Variants in KCNH2 observed in about 807,000 individuals in gnomAD.
KCNH2 encodes the protein potassium voltage-gated channel subfamily H member 2, also known as voltage-gated inwardly rectifying potassium channel KCNH2.
KCNH2 carries 35 observed loss-of-function variants against 95.9 expected under a neutral mutation model. The observed-to-expected ratio is 0.37, with a 90% CI of 0.28 to 0.48. The LOEUF (loss-of-function observed/expected upper bound fraction) is 0.48, where lower values mean the gene tolerates loss of function less well. Among genes scored for constraint, KCNH2 ranks in the 20% least tolerant of loss-of-function variants. KCNH2 has a pLI of 0.99. For synonymous variants in KCNH2, 786 were observed against 754.7 expected (o/e 1.04, Z -0.68); for missense variants, 1,274 against 1,702.9 (o/e 0.75, Z 4.43).
chr7:150,956,542 G>T (rs1801383048), intron 5 of KCNH2, among the ~76,000 whole-genome samples: 1 of 152,142 alleles, frequency 6.6e-6, no homozygotes. Flanking sequence ...GTGTCGGGTG[G>T]ATGAAGCCAT....
chr7:150,955,050 C>T (rs1273318452), intron 5 of KCNH2, among the ~76,000 whole-genome samples: 1 of 152,252 alleles, frequency 6.6e-6, no homozygotes. Flanking sequence ...CCGGCTTCTC[C>T]TGGTCCTGCC....
chr7:150,967,440 G>A (rs565741432), intron 2 of KCNH2, among the ~76,000 whole-genome samples: 1 of 152,328 alleles, frequency 6.6e-6, no homozygotes, highest in African/African-American at 2.4e-5. Flanking sequence ...ATCAATGCAA[G>A]AGCCAGTAAA....
chr7:150,951,330 C>T, intron 7 of KCNH2, 118 bp downstream of exon 7: 1 of 1,270,014 alleles, frequency 7.9e-7, no homozygotes, highest in African/African-American at 2.0e-5. Context: ...ACGATGGTGG[C>T]CCCTGGAGTC....
chr7:150,958,397 G>GC lies in KCNH2; in HGVS notation c.577dup (p.Ala193GlyfsTer139). 1 of 1,454,554 alleles carries GC rather than the reference G, an allele frequency of 6.9e-7. No individual in the cohort carries two copies. 90.1% of individuals were successfully genotyped at this position (1,454,554 alleles called of 1,614,324 possible). A position where few individuals can be genotyped will look rare whatever the true frequency, so the allele number is the denominator to read the frequency against. The stretch of plus-strand genomic sequence containing the variant: ...CGTCAGGTCCACGTCCACCACCACG[G>GC]CCCCCGGGGCGCCCGCGCCGCCCGC... On this transcript the variant is annotated frameshift_variant, in exon 4 of 15. Coordinates refer to ENST00000262186, the MANE Select transcript of KCNH2 (RefSeq NM_000238.4). LOFTEE classifies it high-confidence loss of function.
At chr7:150,948,005 G>T in intron 11 of KCNH2, 127 bp from the exon 12 acceptor site, 1 of 1,145,640 alleles carries the variant, frequency 8.7e-7, no homozygotes, top group Non-Finnish European at 1.2e-6. Flanking sequence ...GTCCCCAGTC[G>T]CTTCTTCTGC....
intron 2 of KCNH2, among the ~76,000 whole-genome samples, chr7:150,969,279 C>T (rs1046959441): frequency 6.6e-6 from 1 of 152,186 alleles, no homozygotes; most frequent in Non-Finnish European, 1.5e-5. Context: ...CTGCCTTTCA[C>T]AGGGCCATGA....
In KCNH2 at chr7:150,946,890, T is replaced by G. The variant is rs1232008316; in HGVS notation, c.3317A>C (p.Asp1106Ala). 2.5e-6 allele frequency: 4 copies of G among 1,595,852 alleles called. No homozygotes were observed. The highest frequency in any genetic ancestry group is 3.4e-6 in the Non-Finnish European group (4 of 1,168,232). ...PVSPLPTLTL[D>A]SLSQVSQFMA... ...GCTGGAGCTTACCTGAGAAAGCGAG[T>G]CCAAGGTGAGGGTGGGGAGGGGGCT... The change falls in exon 14 of 15, where the codon GAC becomes GCC. Residue 1106 changes from aspartate to alanine, a missense_variant. Physicochemically the swap from Asp to Ala is moderately radical, Grantham distance 126. This residue lies in a region of KCNH2 where 457 missense variants were observed against 416.1 expected (regional missense o/e 1.10). Coordinates refer to ENST00000262186, the MANE Select transcript of KCNH2 (RefSeq NM_000238.4). This position sits in a 1 kb window ranked among gnomAD's most constrained non-coding sequence, Gnocchi z 6.5.
At chr7:150,965,357 G>C (rs1801675318) in intron 2 of KCNH2, among the ~76,000 whole-genome samples, 1 of 152,174 alleles carries the variant, frequency 6.6e-6, no homozygotes, top group Non-Finnish European at 1.5e-5. Context: ...TGCCTCAGAA[G>C]ATCTCTGTCC....
chr7:150,957,599 C>T (rs1801420520), intron 4 of KCNH2, 97 bp from the exon 5 acceptor site: 2 of 885,220 alleles, frequency 2.3e-6, no homozygotes, highest in Admixed American at 2.0e-5. Context: ...CCTGCACAGT[C>T]AGGAGTCCAT....
Position 150,946,742 on chromosome 7 carries a change from G to GGT in KCNH2, c.3330+133_3330+134dup. 1.3e-6 allele frequency: 1 copy of GGT among 794,380 alleles called. No individual in the cohort carries two copies. Among genetic ancestry groups the GGT allele is most frequent in the Non-Finnish European group, 2.0e-6 (1 of 497,192 alleles). 49.2% of individuals were successfully genotyped at this position (794,380 alleles called of 1,614,324 possible). A position where few individuals can be genotyped will look rare whatever the true frequency, so the allele number is the denominator to read the frequency against. On this transcript the variant is annotated intron_variant, in intron 14 of 14. Coordinates refer to ENST00000262186, the MANE Select transcript of KCNH2 (RefSeq NM_000238.4). This position sits in a 1 kb window ranked among gnomAD's most constrained non-coding sequence, Gnocchi z 6.5. ...AGCAGCCTTCCTCCAGGAGGACAGG[G>GGT]GTGGGAGGAGGGCAGGAACAAGGTT...
At position 150,947,893 on chromosome 7, in the gene KCNH2, G is replaced by A. The variant is rs1159599997; in HGVS notation, c.2693-15C>T. 1 of 1,530,054 alleles carries A rather than the reference G, an allele frequency of 6.5e-7. No individual in the cohort carries two copies. The highest frequency in any genetic ancestry group is 2.0e-5 in the Admixed American group (1 of 50,476). The allele number at this position is 1,530,054 out of a possible 1,614,324, so 94.8% of individuals were successfully genotyped here. A position where few individuals can be genotyped will look rare whatever the true frequency, so the allele number is the denominator to read the frequency against. ...CTGCTCCGTGTCTGTGGGAAACAGA[G>A]AATGGGCCTCAGAGAGGGGAGGAGA... On this transcript the variant is annotated splice_polypyrimidine_tract_variant and intron_variant, in intron 11 of 14. Transcript: ENST00000262186.
rs147126965 is a variant in KCNH2, at chr7:150,952,482, G to A, written c.1500C>T (p.Ile500=). ...CGAAGGGGATGGCGGCCACCATGTC[G>A]ATGAGGAACCAGCCCTTGAAGTAGT... ...AVHYFKGWFL[I]DMVAAIPFDL... Residue 500 remains isoleucine (I), a synonymous_variant, in exon 6 of 15, where the codon ATC becomes ATT. Coordinates refer to ENST00000262186, the MANE Select transcript of KCNH2 (RefSeq NM_000238.4). The surrounding 1 kb of genome is among the most constrained non-coding windows in gnomAD (Gnocchi z 7.3). The A allele has an allele frequency of 5.3e-5, 86 of 1,614,124 alleles. No homozygotes were observed. Among genetic ancestry groups the A allele is most frequent in the Admixed American group, 8.3e-5 (5 of 59,978 alleles).
At chr7:150,976,896 C>T (rs1415057579) in intron 1 of KCNH2, among the ~76,000 whole-genome samples, 1 of 151,966 alleles carries the variant, frequency 6.6e-6, no homozygotes, top group Non-Finnish European at 1.5e-5. Context: ...ACTGACCCCT[C>T]CTTCCCCCAA....
At position 150,950,918 on chromosome 7, in the gene KCNH2, C is replaced by T. The variant is rs1378166842; in HGVS notation, c.2145+3G>A. ...CCCACTGGCCACGCTCTGGTGGCCT[C>T]ACCGCGTTCATGTCGATGCCGTTGG... On this transcript the variant is annotated splice_donor_region_variant and intron_variant, in intron 8 of 14. Coordinates refer to ENST00000262186, the MANE Select transcript of KCNH2 (RefSeq NM_000238.4). 6.2e-7 allele frequency: 1 copy of T among 1,614,032 alleles called. No homozygotes were observed. Among genetic ancestry groups the T allele is most frequent in the Non-Finnish European group, 8.5e-7 (1 of 1,180,000 alleles).
chr7:150,953,237 T>G (rs1233159609), intron 5 of KCNH2, among the ~76,000 whole-genome samples: 1 of 152,092 alleles, frequency 6.6e-6, no homozygotes, highest in Non-Finnish European at 1.5e-5. Flanking sequence ...CGGAAAGGGT[T>G]CCAAGGACAA....
chr7:150,967,565 G>A (rs1002770485), intron 2 of KCNH2, among the ~76,000 whole-genome samples: 3 of 152,212 alleles, frequency 2.0e-5, no homozygotes, highest in Non-Finnish European at 4.4e-5. Flanking sequence ...TTTACAAGAT[G>A]CGTTGGGAAA....
chr7:150,958,554 C>T (rs912285964), intron 3 of KCNH2, 52 bp from the exon 4 acceptor site: 18 of 1,433,882 alleles, frequency 1.3e-5, no homozygotes, highest in South Asian at 1.2e-4. Flanking sequence ...AGCCCCGGAG[C>T]GGGCAAGGCC....
chr7:150,951,894 G>GCC, intron 6 of KCNH2, 59 bp from the exon 7 acceptor site: 1 of 1,484,314 alleles, frequency 6.7e-7, no homozygotes, highest in African/African-American at 1.4e-5. Flanking sequence ...AGGGAGGAGG[G>GCC]GAGGTGCTGC....
At position 150,945,441 on chromosome 7, in the gene KCNH2, C is replaced by T. The variant is rs199473547; in HGVS notation, c.3404G>A (p.Arg1135His). 5 of 1,568,264 alleles carry T rather than the reference C, an allele frequency of 3.2e-6. No individual in the cohort carries two copies. Among genetic ancestry groups the T allele is most frequent in the African/African-American group, 1.4e-5 (1 of 73,834 alleles). ...PELPQEGPTR[R>H]LSLPGQLGAL... ...CCCCAGCTGGCCCGGTAGGGAGAGG[C>T]GTCGTGTGGGGCCTTCTTGGGGAAG... The change falls in exon 15 of 15, where the codon CGC (arginine) becomes CAC (histidine). Residue 1135 changes from arginine to histidine, a missense_variant. By Grantham distance (29) the Arg-to-His change is conservative (BLOSUM62 0). Coordinates refer to ENST00000262186, the MANE Select transcript of KCNH2 (RefSeq NM_000238.4). This position sits in a 1 kb window ranked among gnomAD's most constrained non-coding sequence, Gnocchi z 5.6.
Sources: gnomAD v4.1 joint callset for allele counts (sites outside exome capture counted in the v4.1 genomes callset) on GRCh38, gnomAD v4.1.1 for gene constraint, gnomAD v4.1.1 regional missense constraint, Gnocchi (gnomAD v3.1) non-coding constraint, MANE v1.5 for transcripts, NCBI Gene and HGNC (gene_info 2026-07-23, HGNC 2026-07-21) for gene names.